Variants in ULK1 observed in about 807,000 individuals in gnomAD.
ULK1 encodes the protein serine/threonine-protein kinase ULK1.
ULK1 carries 48 observed loss-of-function variants against 117.5 expected under a neutral mutation model. That is an observed-to-expected ratio of 0.41 (90% CI 0.32 to 0.52). The LOEUF is 0.52. Ranked by LOEUF, ULK1 falls within the 20% of genes least tolerant of loss-of-function variation. The pLI is 0.29. For missense variants in ULK1, 1,387 were observed against 1,473.4 expected (o/e 0.94, Z 0.96); for synonymous variants, 790 against 637.8 (o/e 1.24, Z -3.60).
rs1305915869 is a variant in ULK1 at position 131,894,978 on chromosome 12, C to T, written c.-24C>T. On this transcript the variant is annotated 5_prime_UTR_variant, in exon 1 of 28. Transcript: ENST00000321867. ...GCGCCTTGGCCCGCCACCCCCCGCC[C>T]CGCGCCCCCGGCCCGCCTGCGCCAT... The T allele has an allele frequency of 7.8e-7, 1 of 1,276,156 alleles. No homozygotes were observed. Among genetic ancestry groups the T allele is most frequent in the South Asian group, 1.8e-5 (1 of 54,338 alleles). 79.1% of individuals were successfully genotyped at this position (1,276,156 alleles called of 1,614,324 possible).
At position 131,911,928 on chromosome 12, in the gene ULK1, C is replaced by T. The variant is rs1889554430; in HGVS notation, c.949-14C>T. ...CCCTGAGACCTGCTCACCAGCCCCT[C>T]CGTTGACTCTCAGTCCCTGGGCGAG... On this transcript the variant is annotated splice_polypyrimidine_tract_variant and intron_variant, in intron 12 of 27. Coordinates refer to ENST00000321867, the MANE Select transcript of ULK1 (RefSeq NM_003565.4). The T allele has an allele frequency of 6.2e-7, 1 of 1,612,744 alleles. No homozygotes were observed. The highest frequency in any genetic ancestry group is 8.5e-7 in the Non-Finnish European group (1 of 1,179,920).
rs755966907 is a variant in ULK1, at chr12:131,919,349, G to C, written c.2649G>C (p.Val883=). 5 of 1,568,492 alleles carry C rather than the reference G, an allele frequency of 3.2e-6. No homozygotes were observed. The South Asian group carries it at 5.8e-5, about 18-fold the overall frequency. The part of the protein sequence containing the change: ...GPEYQLQESV[V]ADQISLLSRE... ...AGTACCAGCTGCAGGAGAGTGTGGT[G>C]GCCGACCAGATCAGCCTGCTGAGCC... The change falls in exon 24 of 28, where the codon GTG becomes GTC. Residue 883 remains valine, a synonymous_variant. Coordinates refer to ENST00000321867, the MANE Select transcript of ULK1 (RefSeq NM_003565.4).
chr12:131,919,776 A>T (rs1265839787), intron 25 of ULK1, 186 bp downstream of exon 25: 1 of 1,021,824 alleles, frequency 9.8e-7, no homozygotes, highest in Non-Finnish European at 1.4e-6. Flanking sequence ...CCTGGAGCCC[A>T]GTATGCAGAG....
At position 131,916,092 on chromosome 12, in the gene ULK1, G is replaced by T; in HGVS notation, c.1811G>T (p.Gly604Val). The T allele has an allele frequency of 2.5e-6, 4 of 1,612,548 alleles. No homozygotes were observed. The highest frequency in any genetic ancestry group is 3.4e-6 in the Non-Finnish European group (4 of 1,179,874). ...CTGCAGTCCTGCCGGAACCTGCGGG[G>T]CTCACCCAAGCTGCCCGACTTCCTG... ...HGLQSCRNLR[G>V]SPKLPDFLQR... The change falls in exon 19 of 28, where the codon GGC becomes GTC. Residue 604 changes from glycine (G) to valine (V), a missense_variant. Around this residue, in one of 4 missense-constraint regions of ULK1, gnomAD observed 900 missense variants for 858.9 expected, o/e 1.05. Transcript: ENST00000321867.
In ULK1 at chr12:131,915,238, C is replaced by T. The variant is rs1312146552; in HGVS notation, c.1522+7C>T. Reference sequence around the variant, plus strand: ...TACACGCCATCTCCTCAAGGTGCGCCTGCAGGCTGGGGCCTGGGAAGGGGC... The same window carrying T: ...TACACGCCATCTCCTCAAGGTGCGCTTGCAGGCTGGGGCCTGGGAAGGGGC... On this transcript the variant is annotated splice_region_variant and intron_variant, in intron 17 of 27. Transcript: ENST00000321867. The T allele has an allele frequency of 6.2e-7, 1 of 1,603,722 alleles. No individual in the cohort carries two copies. The highest frequency in any genetic ancestry group is 8.5e-7 in the Non-Finnish European group (1 of 1,175,250).
chr12:131,907,817 G>A (rs1447835894), intron 5 of ULK1, among the ~76,000 whole-genome samples: 1 of 152,048 alleles, frequency 6.6e-6, no homozygotes, highest in Admixed American at 6.6e-5. Flanking sequence ...GGGGGCTGTT[G>A]TCTTCATAGT....
At chr12:131,920,324 C>T (rs555589736) in intron 26 of ULK1, 188 bp downstream of exon 26, 285 of 717,304 alleles carry the variant, frequency 4.0e-4, no homozygotes, top group Non-Finnish European at 5.6e-4. Flanking sequence ...CTGGGTGCAT[C>T]CTTGATTGTA....
chr12:131,918,865 TGTG>T (rs200948330), intron 23 of ULK1, among the ~76,000 whole-genome samples, 184 bp downstream of exon 23: 2 of 3,998 alleles, frequency 5.0e-4, no homozygotes, highest in South Asian at 0.012. Context: ...GGGTGTCGGG[TGTG>T]TGGGGTGTCG....
At chr12:131,913,391 CAA>C (rs1214465524) in intron 14 of ULK1, 133 bp downstream of exon 14, 2,291 of 683,712 alleles carry the variant, frequency 3.4e-3, no homozygotes, top group South Asian at 8.2e-3. Flanking sequence ...GACTCTGTCT[CAA>C]AAAAAAAAAA....
rs773369303 is a variant in ULK1 at position 131,922,064 on chromosome 12, G to A, written c.*703G>A. The stretch of plus-strand genomic sequence containing the variant: ...GGCAGAGGCAGTTCTTTGTTCAAGC[G>A]TTCCTCTGGGGACCGGCAGCAGAGG... On this transcript the variant is annotated 3_prime_UTR_variant, in exon 28 of 28. Coordinates refer to ENST00000321867, the MANE Select transcript of ULK1 (RefSeq NM_003565.4). The A allele has an allele frequency of 1.3e-5, 6 of 453,008 alleles. No individual in the cohort carries two copies. Among genetic ancestry groups the A allele is most frequent in the Admixed American group, 2.4e-5 (1 of 42,442 alleles). The allele number at this position is 453,008 out of a possible 1,614,324, so 28.1% of individuals were successfully genotyped here.
At chr12:131,911,113 C>T (rs901357314) in intron 12 of ULK1, among the ~76,000 whole-genome samples, 11 of 152,222 alleles carry the variant, frequency 7.2e-5, no homozygotes, top group Non-Finnish European at 1.3e-4. Context: ...TGGCCTCCCT[C>T]GTGTCTTCCA....
intron 4 of ULK1, among the ~76,000 whole-genome samples, 174 bp from the exon 5 acceptor site, chr12:131,907,321 A>C (rs1294886275): frequency 6.6e-6 from 1 of 151,988 alleles, no homozygotes; most frequent in Non-Finnish European, 1.5e-5. Context: ...ACGCCTGCTG[A>C]GTATCACTAT....
intron 3 of ULK1, 88 bp from the exon 4 acceptor site, chr12:131,906,804 G>T (rs1889294631): frequency 6.4e-7 from 1 of 1,568,834 alleles, no homozygotes; most frequent in Non-Finnish European, 8.8e-7. Context: ...TGCAGGGCCT[G>T]CCCAGGCCGA....
chr12:131,909,183 G>T lies in ULK1; in HGVS notation c.612G>T (p.Leu204=), dbSNP rs1407211286. 1 of 1,610,168 alleles carries T rather than the reference G, an allele frequency of 6.2e-7. No homozygotes were observed. The highest frequency in any genetic ancestry group is 2.2e-5 in the East Asian group (1 of 44,752). Residue 204 remains leucine, a synonymous_variant, in exon 8 of 28, where the codon CTG becomes CTT. Transcript: ENST00000321867. The part of the protein sequence containing the change: ...MSQHYDGKAD[L]WSIGTIVYQC... Reference sequence around the variant, plus strand: ...AGCACTACGACGGGAAGGCGGACCTGTGGAGCATCGGCACCATCGTCTACC... The same window carrying T: ...AGCACTACGACGGGAAGGCGGACCTTTGGAGCATCGGCACCATCGTCTACC...
rs1889115956 is a variant in ULK1, at chr12:131,902,105, G to A, written c.247-4787G>A. On this transcript the variant is annotated intron_variant, in intron 3 of 27. Transcript: ENST00000321867. This position sits in a 1 kb window ranked among gnomAD's most constrained non-coding sequence, Gnocchi z 6.3. The stretch of plus-strand genomic sequence containing the variant: ...GCCCCAGGAGGCCCATACACAATGG[G>A]CGGCTGCAGGTGGTTCCCCAGGGCC... Among the ~76,000 whole-genome samples, 1 of 152,168 alleles carries A rather than the reference G, an allele frequency of 6.6e-6. No homozygotes were observed.
At chr12:131,911,783 G>T in intron 12 of ULK1, among the ~76,000 whole-genome samples, 159 bp from the exon 13 acceptor site, 1 of 152,192 alleles carries the variant, frequency 6.6e-6, no homozygotes, top group South Asian at 2.1e-4. Flanking sequence ...TGGAAGTACA[G>T]AGAAGAGCGG....
chr12:131,900,827 C>T (rs1378631819), intron 3 of ULK1, among the ~76,000 whole-genome samples: 12 of 152,144 alleles, frequency 7.9e-5, no homozygotes, highest in Non-Finnish European at 1.6e-4. Context: ...GCAGTCCAGC[C>T]CAGCATGAGA....
intron 3 of ULK1, chr12:131,906,653 C>T (rs1005787223): frequency 7.7e-5 from 45 of 587,198 alleles, no homozygotes; most frequent in Non-Finnish European, 1.1e-4. Flanking sequence ...AGCTGTTGCT[C>T]TTATGGGGGG....
At position 131,918,500 on chromosome 12, in the gene ULK1, G is replaced by T; in HGVS notation, c.2330G>T (p.Gly777Val). Reference protein sequence around the residue: ...QGPRTRMFSAGPTGSASSSAR... With the variant: ...QGPRTRMFSAVPTGSASSSAR... ...CCTCATCGCCCTCTCCCTGCAGCGG[G>T]CCCCACTGGCTCTGCCAGCTCTTCT... The change falls in exon 23 of 28, where the codon GGC (glycine) becomes GTC (valine). Residue 777 changes from glycine to valine, a missense_variant. By Grantham distance (109) the Gly-to-Val change is moderately radical (BLOSUM62 -3). This residue lies in a region of ULK1 where 900 missense variants were observed against 858.9 expected (regional missense o/e 1.05). Coordinates refer to ENST00000321867, the MANE Select transcript of ULK1 (RefSeq NM_003565.4). 6.2e-7 allele frequency: 1 copy of T among 1,609,230 alleles called. No individual in the cohort carries two copies. The highest frequency in any genetic ancestry group is 8.5e-7 in the Non-Finnish European group (1 of 1,178,468).
Sources: allele counts gnomAD v4.1 joint callset (sites outside exome capture counted in the v4.1 genomes callset), GRCh38; gene constraint gnomAD v4.1.1; regional missense constraint gnomAD v4.1.1; non-coding constraint Gnocchi (gnomAD v3.1); transcripts MANE v1.5; gene names NCBI Gene and HGNC (gene_info 2026-07-23, HGNC 2026-07-21).